ANKRD18A: variants seen among roughly 807,000 people sequenced by gnomAD.
ANKRD18A encodes ankyrin repeat domain 18A.
In ANKRD18A, 72 loss-of-function variants were observed where a neutral mutation model predicts 110.6. The ratio of observed to expected loss-of-function variants is 0.65; its 90% CI spans 0.54 to 0.79. ANKRD18A has a LOEUF of 0.79. ANKRD18A is among the 30% of genes least tolerant of loss of function. The probability of loss-of-function intolerance (pLI) is 0.00; values close to 1 mark genes in which losing one functional copy is unlikely to be tolerated. For synonymous variants in ANKRD18A, 305 were observed against 410.3 expected (o/e 0.74, Z 3.10); for missense variants, 934 against 1,163.3 (o/e 0.80, Z 2.87).
At chr9:38,609,438 G>A (rs539561578) in intron 5 of ANKRD18A, among the ~76,000 whole-genome samples, 365 of 152,080 alleles carry the variant, frequency 2.4e-3, no homozygotes, top group Middle Eastern at 0.01. Context: ...CCAAGATTGC[G>A]CCACTGCACT....
At chr9:38,606,725 A>G (rs1218410463) in intron 6 of ANKRD18A, among the ~76,000 whole-genome samples, 3 of 152,232 alleles carry the variant, frequency 2.0e-5, no homozygotes, top group East Asian at 3.8e-4. Context: ...ATTAATATTT[A>G]GTTACTAAAT....
At chr9:38,590,121 C>T (rs926637950) in intron 10 of ANKRD18A, among the ~76,000 whole-genome samples, 5 of 152,114 alleles carry the variant, frequency 3.3e-5, no homozygotes, top group African/African-American at 1.2e-4. Flanking sequence ...AGGATATTCA[C>T]CAGTATACTT....
intron 5 of ANKRD18A, among the ~76,000 whole-genome samples, chr9:38,608,890 A>G (rs1036620916): frequency 3.3e-5 from 5 of 152,010 alleles, no homozygotes; most frequent in African/African-American, 1.2e-4. Context: ...TACAGATGTG[A>G]TAACAAAAGG....
intron 11 of ANKRD18A, among the ~76,000 whole-genome samples, chr9:38,587,965 G>A (rs1160625913): frequency 2.0e-5 from 3 of 152,156 alleles, no homozygotes; most frequent in South Asian, 4.1e-4. Context: ...GTGCACACCT[G>A]TAATCATAGC....
At position 38,610,396 on chromosome 9, in the gene ANKRD18A, A is replaced by C. The variant is rs1263119190; in HGVS notation, c.617T>G (p.Leu206Arg). ...VDNFKRTALI[L>R]AVQHNLSSIV... ...ACTTGACAAGTTATGCTGTACTGCA[A>C]GTATGAGGGCTGTTCTAAAATAATA... The change falls in exon 5 of 16, where the codon CTT (leucine) becomes CGT (arginine). Residue 206 changes from leucine to arginine, a missense_variant. Around this residue, in one of 4 missense-constraint regions of ANKRD18A, gnomAD observed 630 missense variants for 797.5 expected, o/e 0.79. Transcript: ENST00000399703. The C allele has an allele frequency of 3.9e-6, 6 of 1,546,564 alleles. No individual in the cohort carries two copies. The highest frequency in any genetic ancestry group is 5.2e-6 in the Non-Finnish European group (6 of 1,145,696).
At chr9:38,615,431 T>C (rs1392382090) in intron 3 of ANKRD18A, among the ~76,000 whole-genome samples, 163 bp downstream of exon 3, 1 of 152,258 alleles carries the variant, frequency 6.6e-6, no homozygotes, top group Non-Finnish European at 1.5e-5. Flanking sequence ...AGCTGTGCCC[T>C]CTAATGCTTC....
chr9:38,587,183 G>A (rs1563960751), intron 11 of ANKRD18A, among the ~76,000 whole-genome samples: 1 of 152,116 alleles, frequency 6.6e-6, no homozygotes, highest in Non-Finnish European at 1.5e-5. Context: ...GGTGGAGAGA[G>A]ATATGTGATG....
chr9:38,577,369 A>G (rs1823941536), intron 13 of ANKRD18A, 105 bp from the exon 14 acceptor site: 4 of 1,180,400 alleles, frequency 3.4e-6, no homozygotes, highest in East Asian at 2.6e-5. Flanking sequence ...AATTTTGAGT[A>G]TGTTGAAAAG....
chr9:38,584,027 G>C (rs141110706), intron 12 of ANKRD18A, among the ~76,000 whole-genome samples: 1 of 152,180 alleles, frequency 6.6e-6, no homozygotes, highest in Admixed American at 6.5e-5. Context: ...AGGAATTCAC[G>C]CCTTATGCAG....
intron 3 of ANKRD18A, 129 bp downstream of exon 3, chr9:38,615,465 T>G: frequency 1.5e-6 from 2 of 1,316,624 alleles, no homozygotes; most frequent in Middle Eastern, 2.8e-4. Flanking sequence ...ATATTTAAAG[T>G]AAAATTTTAG....
intron 12 of ANKRD18A, among the ~76,000 whole-genome samples, chr9:38,581,938 A>G (rs138584204): frequency 2.2e-4 from 33 of 152,354 alleles, no homozygotes; most frequent in African/African-American, 7.7e-4. Context: ...TGTTTCAGTA[A>G]TAGGAGGTCA....
chr9:38,571,756 C>T lies in ANKRD18A; in HGVS notation c.*289G>A. 1 of 1,089,478 alleles carries T rather than the reference C, an allele frequency of 9.2e-7. No individual in the cohort carries two copies. Among genetic ancestry groups the T allele is most frequent in the South Asian group, 3.5e-5 (1 of 28,512 alleles). 67.5% of individuals were successfully genotyped at this position (1,089,478 alleles called of 1,614,324 possible). On this transcript the variant is annotated 3_prime_UTR_variant, in exon 16 of 16. Transcript: ENST00000399703. ...TTTGAGTAGGCCAAACTCAATAACG[C>T]TGGTGTTCATTTGCAAGATCCACTT...
intron 9 of ANKRD18A, 96 bp from the exon 10 acceptor site, chr9:38,594,005 C>T: frequency 1.7e-6 from 2 of 1,199,188 alleles, no homozygotes; most frequent in Non-Finnish European, 2.2e-6. Flanking sequence ...AAATTATTAC[C>T]ACACACACAG....
At chr9:38,570,329 C>A (rs746812787), downstream of ANKRD18A, among the ~76,000 whole-genome samples, 25 of 152,178 alleles carry the variant, frequency 1.6e-4, no homozygotes, top group Non-Finnish European at 3.5e-4. Context: ...CAGTCCCCAG[C>A]TGACTGAGCC....
chr9:38,573,659 G>A (rs937311900), intron 15 of ANKRD18A, among the ~76,000 whole-genome samples: 4 of 151,856 alleles, frequency 2.6e-5, no homozygotes, highest in African/African-American at 7.3e-5. Flanking sequence ...AGGTTGCAGT[G>A]AGCCGAGATC....
In ANKRD18A at chr9:38,571,868, G is replaced by T; in HGVS notation, c.*177C>A. The T allele has an allele frequency of 7.6e-7, 1 of 1,316,636 alleles. No individual in the cohort carries two copies. The highest frequency in any genetic ancestry group is 2.0e-5 in the South Asian group (1 of 50,712). 81.6% of individuals were successfully genotyped at this position (1,316,636 alleles called of 1,614,324 possible). ...CATGAAAATATTCTACTTTAGTAAAGATTATGATGTTTTATATTATATGAG... is the reference window on the plus strand; with the variant it reads ...CATGAAAATATTCTACTTTAGTAAATATTATGATGTTTTATATTATATGAG... On this transcript the variant is annotated 3_prime_UTR_variant, in exon 16 of 16. Transcript: ENST00000399703.
At chr9:38,572,267 A>C in intron 15 of ANKRD18A, 2 of 415,210 alleles carry the variant, frequency 4.8e-6, no homozygotes, top group Non-Finnish European at 4.4e-6. Context: ...TTCATTCTTC[A>C]TTCATGTACT....
chr9:38,598,091 C>T (rs1426373633), intron 8 of ANKRD18A, among the ~76,000 whole-genome samples: 3 of 152,164 alleles, frequency 2.0e-5, no homozygotes, highest in Admixed American at 2.0e-4. Flanking sequence ...ATATTTGTTG[C>T]AACTCTCAAG....
chr9:38,586,356 A>C (rs1824381276), intron 11 of ANKRD18A, 44 bp from the exon 12 acceptor site: 1 of 1,436,342 alleles, frequency 7.0e-7, no homozygotes, highest in Non-Finnish European at 9.4e-7. Context: ...TTTTAAGAGT[A>C]AATATTTAAT....
Sources: gnomAD v4.1 joint callset for allele counts (sites outside exome capture counted in the v4.1 genomes callset) on GRCh38, gnomAD v4.1.1 for gene constraint, gnomAD v4.1.1 regional missense constraint, MANE v1.5 for transcripts, NCBI Gene and HGNC (gene_info 2026-07-23, HGNC 2026-07-21) for gene names.